The following GALNTL6 variants were observed in gnomAD, a reference collection of about 807,000 sequenced individuals.
GALNTL6 encodes polypeptide N-acetylgalactosaminyltransferase like 6.
A neutral mutation model predicts 73.7 loss-of-function variants in GALNTL6; 46 were observed. That is an observed-to-expected ratio of 0.62 (90% CI 0.49 to 0.80). The LOEUF is 0.80. Among genes scored for constraint, GALNTL6 ranks in the 30% least tolerant of loss-of-function variants. GALNTL6 has a pLI of 0.00. For synonymous variants in GALNTL6, 259 were observed against 263.7 expected (o/e 0.98, Z 0.17); for missense variants, 604 against 755.0 (o/e 0.80, Z 2.34).
At chr4:171,922,073 T>TGC (rs1491448797) in intron 2 of GALNTL6, among the ~76,000 whole-genome samples, 8 of 145,214 alleles carry the variant, frequency 5.5e-5, no homozygotes, top group African/African-American at 1.8e-4. Context: ...TTTCATAGTA[T>TGC]GTGTGTGTGT....
chr4:172,517,825 A>G (rs528930829), intron 5 of GALNTL6, among the ~76,000 whole-genome samples: 14 of 152,216 alleles, frequency 9.2e-5, no homozygotes, highest in Admixed American at 2.6e-4. Context: ...TAACAATACA[A>G]TCAATTTCCA....
intron 10 of GALNTL6, among the ~76,000 whole-genome samples, chr4:172,999,286 C>A (rs750400182): frequency 6.6e-6 from 1 of 152,152 alleles, no homozygotes; most frequent in Non-Finnish European, 1.5e-5. Context: ...TGCTCTCTTC[C>A]ACCCCACCCC....
chr4:172,237,142 G>A (rs1737271437), intron 3 of GALNTL6, among the ~76,000 whole-genome samples: 1 of 152,162 alleles, frequency 6.6e-6, no homozygotes, highest in African/African-American at 2.4e-5. Context: ...TTGATTCCAT[G>A]TCTTTGTTAT....
intron 2 of GALNTL6, among the ~76,000 whole-genome samples, chr4:172,194,707 G>A (rs1735696616): frequency 1.3e-5 from 2 of 152,148 alleles, no homozygotes; most frequent in Non-Finnish European, 2.9e-5. Flanking sequence ...AGCTTCATAA[G>A]TGAAACAGAA....
intron 5 of GALNTL6, among the ~76,000 whole-genome samples, chr4:172,598,316 G>T (rs1196652018): frequency 1.3e-5 from 2 of 151,936 alleles, no homozygotes; most frequent in Admixed American, 6.6e-5. Context: ...GAAGTTTGAG[G>T]CGAGTGACCT....
chr4:172,269,790 C>T (rs1007241045), intron 3 of GALNTL6, among the ~76,000 whole-genome samples: 2 of 151,680 alleles, frequency 1.3e-5, no homozygotes, highest in East Asian at 1.9e-4. Flanking sequence ...TTCACTTTGT[C>T]GCCCAGGCTG....
At chr4:172,498,505 A>G (rs1445344813) in intron 5 of GALNTL6, among the ~76,000 whole-genome samples, 2 of 152,154 alleles carry the variant, frequency 1.3e-5, no homozygotes, top group African/African-American at 4.8e-5. Context: ...TATGTATGTT[A>G]TTAATTTTGT....
At chr4:172,010,179 A>G (rs1740961637) in intron 2 of GALNTL6, among the ~76,000 whole-genome samples, 1 of 152,192 alleles carries the variant, frequency 6.6e-6, no homozygotes, top group African/African-American at 2.4e-5. Flanking sequence ...CTTCTTTATT[A>G]CAAAAGCAGT....
At chr4:172,303,756 A>G (rs1265870691) in intron 3 of GALNTL6, among the ~76,000 whole-genome samples, 1 of 152,132 alleles carries the variant, frequency 6.6e-6, no homozygotes, top group African/African-American at 2.4e-5. Flanking sequence ...CCTTATGTAC[A>G]TTAGAGCTCT....
At chr4:172,870,445 A>AT (rs562588313) in intron 7 of GALNTL6, among the ~76,000 whole-genome samples, 168 of 152,240 alleles carry the variant, frequency 1.1e-3, no homozygotes, top group Non-Finnish European at 2.0e-3. Flanking sequence ...ATTGTCAAGT[A>AT]TTTTTTTATT....
intron 5 of GALNTL6, among the ~76,000 whole-genome samples, chr4:172,496,425 C>CAA (rs1734073982): frequency 6.6e-6 from 1 of 152,108 alleles, no homozygotes; most frequent in East Asian, 1.9e-4. Context: ...TGCAGTGGCT[C>CAA]ACGCCTGTAA....
At chr4:172,160,943 T>G (rs1261598553) in intron 2 of GALNTL6, among the ~76,000 whole-genome samples, 4 of 150,840 alleles carry the variant, frequency 2.7e-5, no homozygotes, top group Non-Finnish European at 4.4e-5. Flanking sequence ...CATACACATG[T>G]ATATATATAA....
At chr4:171,835,404 C>A (rs1459137097) in intron 2 of GALNTL6, among the ~76,000 whole-genome samples, 1 of 151,728 alleles carries the variant, frequency 6.6e-6, no homozygotes, top group Non-Finnish European at 1.5e-5. Flanking sequence ...TTGTTAGGTG[C>A]TAGATTATTT....
chr4:171,949,313 C>G (rs762388550), intron 2 of GALNTL6, among the ~76,000 whole-genome samples: 2 of 152,138 alleles, frequency 1.3e-5, no homozygotes, highest in Non-Finnish European at 2.9e-5. Flanking sequence ...TTTACCTGGG[C>G]TCTTTCTTGA....
At chr4:172,829,500 A>G (rs554223479) in intron 7 of GALNTL6, among the ~76,000 whole-genome samples, 8 of 152,360 alleles carry the variant, frequency 5.3e-5, no homozygotes, top group Admixed American at 2.6e-4. Flanking sequence ...GATGCAGGGC[A>G]TGGGATCTGT....
intron 2 of GALNTL6, among the ~76,000 whole-genome samples, chr4:171,995,001 A>G (rs1005377710): frequency 2.0e-5 from 3 of 152,048 alleles, no homozygotes; most frequent in Non-Finnish European, 2.9e-5. Flanking sequence ...AGACATAAAA[A>G]TAAACTCTCT....
intron 3 of GALNTL6, among the ~76,000 whole-genome samples, chr4:172,289,296 T>C (rs1302388456): frequency 6.6e-6 from 1 of 152,200 alleles, no homozygotes; most frequent in Non-Finnish European, 1.5e-5. Flanking sequence ...TGTATTATGA[T>C]CAACTCCTCA....
intron 2 of GALNTL6, among the ~76,000 whole-genome samples, chr4:172,094,427 C>G (rs886160596): frequency 1.3e-5 from 2 of 152,034 alleles, no homozygotes; most frequent in East Asian, 3.9e-4. Context: ...GTTTTCTACT[C>G]TAGGTTAATC....
chr4:172,539,224 A>G (rs1466453317), intron 5 of GALNTL6, among the ~76,000 whole-genome samples: 4 of 152,158 alleles, frequency 2.6e-5, no homozygotes, highest in African/African-American at 9.7e-5. Flanking sequence ...ACCATCATCT[A>G]TGAATATGTG....
Sources: gnomAD v4.1 joint callset for allele counts (sites outside exome capture counted in the v4.1 genomes callset) on GRCh38, gnomAD v4.1.1 for gene constraint, MANE v1.5 for transcripts, NCBI Gene and HGNC (gene_info 2026-07-23, HGNC 2026-07-21) for gene names.